Variants in CCDC50 observed in about 807,000 individuals in gnomAD.
The protein encoded by CCDC50 is coiled-coil domain-containing protein 50.
A neutral mutation model predicts 70.2 loss-of-function variants in CCDC50; 54 were observed. That is an observed-to-expected ratio of 0.77 (90% CI 0.62 to 0.96). The LOEUF (loss-of-function observed/expected upper bound fraction) is 0.96. Ranked by LOEUF, CCDC50 falls within the 50% of genes least tolerant of loss-of-function variation. CCDC50 has a pLI of 0.00. For synonymous variants in CCDC50, 216 were observed against 198.8 expected, an observed-to-expected ratio of 1.09 and a Z score of -0.73; for missense variants, 558 against 578.7, an observed-to-expected ratio of 0.96 and a Z score of 0.37.
intron 4 of CCDC50, 85 bp downstream of exon 4, chr3:191,361,244 A>G (rs1712477692): frequency 2.2e-6 from 2 of 926,234 alleles, no homozygotes; most frequent in East Asian, 5.1e-5. Context: ...TCACGGGCTC[A>G]ATGAAGGGTT....
chr3:191,396,040 A>C lies in CCDC50; in HGVS notation c.*4280A>C, dbSNP rs115538371. Reference sequence around the variant, plus strand: ...CTTTTATCCATGGCGAGAGGTAAGAATATTAAAGAGTCAGGATATTGTTGC... The same window carrying C: ...CTTTTATCCATGGCGAGAGGTAAGACTATTAAAGAGTCAGGATATTGTTGC... On this transcript the variant is annotated 3_prime_UTR_variant, in exon 12 of 12. Coordinates refer to ENST00000392455, the MANE Select transcript of CCDC50 (RefSeq NM_178335.3). The C allele has an allele frequency of 6.6e-6, 1 of 152,202 alleles. No homozygotes were observed. 9.4% of individuals were successfully genotyped at this position (152,202 alleles called of 1,614,324 possible).
Position 191,361,060 on chromosome 3 carries a change from G to A in CCDC50, c.240-9G>A. The A allele has an allele frequency of 6.2e-7, 1 of 1,603,758 alleles. No homozygotes were observed. The highest frequency in any genetic ancestry group is 8.5e-7 in the Non-Finnish European group (1 of 1,170,782). ...TTTCCTTATTCATGTTTTCACCTTT[G>A]CTTTTTAGTGAACAACAAGACTGTG... On this transcript the variant is annotated splice_polypyrimidine_tract_variant and intron_variant, in intron 3 of 11. Coordinates refer to ENST00000392455, the MANE Select transcript of CCDC50 (RefSeq NM_178335.3).
intron 10 of CCDC50, among the ~76,000 whole-genome samples, chr3:191,387,528 A>T (rs1411574550): frequency 1.3e-5 from 2 of 150,072 alleles, no homozygotes; most frequent in African/African-American, 5.0e-5. Flanking sequence ...TTCTCTATGT[A>T]ACCTGAAACT....
chr3:191,385,875 TA>T (rs1270600947), intron 10 of CCDC50, among the ~76,000 whole-genome samples: 1 of 152,166 alleles, frequency 6.6e-6, no homozygotes, highest in Non-Finnish European at 1.5e-5. Context: ...ATTTTTTGAA[TA>T]AGGTGTCCTT....
In CCDC50 at chr3:191,369,991, C is replaced by T. The variant is rs1712842639; in HGVS notation, c.403C>T (p.Pro135Ser). The change falls in exon 5 of 12, where the codon CCT becomes TCT. Residue 135 changes from proline (P) to serine (S), a missense_variant. Physicochemically the swap from Pro to Ser is moderately conservative, Grantham distance 74. Coordinates refer to ENST00000392455, the MANE Select transcript of CCDC50 (RefSeq NM_178335.3). ...KKRKKHFPEF[P>S]ATRAYADSYY... ...GAGAAAGAAACACTTTCCAGAGTTC[C>T]CTGCAACCCGTGCTTATGCAGATAG... 1 of 1,613,382 alleles carries T rather than the reference C, an allele frequency of 6.2e-7. No individual in the cohort carries two copies. The highest frequency in any genetic ancestry group is 2.2e-5 in the East Asian group (1 of 44,856).
At chr3:191,380,370 A>C in intron 7 of CCDC50, 96 bp downstream of exon 7, 1 of 815,152 alleles carries the variant, frequency 1.2e-6, no homozygotes, top group Non-Finnish European at 2.1e-6. Flanking sequence ...TCCTCTATCA[A>C]TTGAGAAACC....
intron 6 of CCDC50, among the ~76,000 whole-genome samples, chr3:191,378,731 G>GTTTT (rs111282965): frequency 1.3e-5 from 2 of 149,556 alleles, no homozygotes; most frequent in African/African-American, 2.5e-5. Context: ...CTATGCCACT[G>GTTTT]TTTTTTTGTT....
At chr3:191,355,046 A>C (rs1001991151) in intron 1 of CCDC50, among the ~76,000 whole-genome samples, 4 of 152,166 alleles carry the variant, frequency 2.6e-5, no homozygotes, top group African/African-American at 9.7e-5. Flanking sequence ...TATGAGAGCC[A>C]ACTGTCCTCT....
chr3:191,344,610 G>A (rs7640087), intron 1 of CCDC50, among the ~76,000 whole-genome samples: 23,803 of 152,054 alleles, frequency 0.16, 2,788 homozygotes, highest in African/African-American at 0.33. Context: ...ACGGAGTCTC[G>A]CTCTGTCACG....
chr3:191,389,423 C>A, intron 10 of CCDC50, 73 bp from the exon 11 acceptor site: 1 of 1,263,472 alleles, frequency 7.9e-7, no homozygotes, highest in Non-Finnish European at 1.2e-6. Flanking sequence ...TTTTAGCTTG[C>A]AATCCAGTAA....
intron 10 of CCDC50, 114 bp downstream of exon 10, chr3:191,382,939 T>G (rs1181954523): frequency 4.0e-6 from 3 of 758,660 alleles, no homozygotes; most frequent in Non-Finnish European, 7.0e-6. Flanking sequence ...AAAATCTGCA[T>G]TTGTAAGGTA....
chr3:191,381,128 T>G (rs942270665), intron 9 of CCDC50, among the ~76,000 whole-genome samples, 196 bp downstream of exon 9: 2 of 152,158 alleles, frequency 1.3e-5, no homozygotes, highest in Non-Finnish European at 2.9e-5. Flanking sequence ...ATGTAAAAAG[T>G]TACTGCTAAG....
chr3:191,349,451 G>C (rs1466384788), intron 1 of CCDC50, among the ~76,000 whole-genome samples: 1 of 141,622 alleles, frequency 7.1e-6, no homozygotes, highest in African/African-American at 2.5e-5. Flanking sequence ...TTGAAAAGAG[G>C]GTTAGAGAGA....
chr3:191,385,407 A>G (rs1201279028), intron 10 of CCDC50, among the ~76,000 whole-genome samples: 2 of 152,160 alleles, frequency 1.3e-5, no homozygotes, highest in Non-Finnish European at 2.9e-5. Flanking sequence ...GTCTCTGATA[A>G]TTAGTTATGT....
intron 1 of CCDC50, among the ~76,000 whole-genome samples, chr3:191,335,295 A>G (rs1432336531): frequency 6.6e-6 from 1 of 152,210 alleles, no homozygotes; most frequent in Non-Finnish European, 1.5e-5. Flanking sequence ...GAGAAAACAA[A>G]CATTCAAACA....
In CCDC50 at chr3:191,359,434, C is replaced by T. The variant is rs149936456; in HGVS notation, c.239+1310C>T. On this transcript the variant is annotated intron_variant, in intron 3 of 11. Transcript: ENST00000392455. ...GTCAAAAGCTGGATCAAAAGGGTCA[C>T]GATAAGTTATGTTAAAGATTTCAGG... Among the ~76,000 whole-genome samples the T allele has an allele frequency of 1.8e-3, 276 of 152,148 alleles. 1 individual carries two copies. Among genetic ancestry groups the T allele is most frequent in the African/African-American group, 6.1e-3 (255 of 41,502 alleles).
At chr3:191,357,383 A>G (rs915978891) in intron 2 of CCDC50, among the ~76,000 whole-genome samples, 3 of 152,186 alleles carry the variant, frequency 2.0e-5, no homozygotes. Flanking sequence ...AGGAGGAAAA[A>G]GAGAGGTTTG....
Position 191,370,465 on chromosome 3 carries a change from G to T in CCDC50, c.448+429G>T, listed in dbSNP as rs546323079. 9.0e-3 allele frequency among the ~76,000 whole-genome samples: 1,272 copies of T among 141,312 alleles called. 17 individuals carry two copies. The highest frequency in any genetic ancestry group is 0.032 in the African/African-American group (1,213 of 38,180). The allele number at this position is 141,312 out of a possible 152,430, so 92.7% of individuals were successfully genotyped here. A position where few individuals can be genotyped will look rare whatever the true frequency, so the allele number is the denominator to read the frequency against. On this transcript the variant is annotated intron_variant, in intron 5 of 11. Transcript: ENST00000392455. ...CACCTGTGAGTGAGAACATGCGGTG[G>T]TTTTTTTTGTTTGTTTTTTTGTTTT...
chr3:191,383,291 A>G (rs1713380457), intron 10 of CCDC50, among the ~76,000 whole-genome samples: 1 of 152,164 alleles, frequency 6.6e-6, no homozygotes, highest in Admixed American at 6.5e-5. Context: ...ATCCCACTCA[A>G]CAAATAGCTG....
Sources: allele counts gnomAD v4.1 joint callset (sites outside exome capture counted in the v4.1 genomes callset), GRCh38; gene constraint gnomAD v4.1.1; transcripts MANE v1.5; gene names NCBI Gene and HGNC (gene_info 2026-07-23, HGNC 2026-07-21).